The following TMEM170A variants were observed in gnomAD, a reference collection of about 807,000 sequenced individuals.
The protein encoded by TMEM170A is transmembrane protein 170.
In TMEM170A, 18 loss-of-function variants were observed where a neutral mutation model predicts 12.8. The observed-to-expected ratio is 1.41, with a 90% CI of 0.97 to 2.09. The LOEUF (loss-of-function observed/expected upper bound fraction) is 2.09, where lower values mean the gene tolerates loss of function less well. Among genes scored for constraint, TMEM170A ranks in the 30% most tolerant of loss-of-function variants. The pLI is 0.00. For missense variants in TMEM170A, 220 were observed against 179.9 expected (o/e 1.22, Z -1.28); for synonymous variants, 107 against 76.2 (o/e 1.40, Z -2.11).
chr16:75,464,280 C>T (rs1250485322), intron 1 of TMEM170A, 188 bp downstream of exon 1: 26 of 1,490,820 alleles, frequency 1.7e-5, no homozygotes, highest in South Asian at 5.0e-5. Context: ...CGGGGCTCCG[C>T]CTCAGGGACC....
Position 75,450,955 on chromosome 16 carries a change from C to G in TMEM170A, c.304+714G>C, listed in dbSNP as rs117765681. On this transcript the variant is annotated intron_variant, in intron 2 of 2. Transcript: ENST00000561878. ...GGGATTACAGTCATGAGCCACTACA[C>G]CTGGCAAAGAATTCTTGTCATCAAA... is the stretch of plus-strand genomic sequence containing the variant. Among the ~76,000 whole-genome samples, 1,025 of 152,276 alleles carry G rather than the reference C, an allele frequency of 6.7e-3. 8 individuals carry two copies. The highest frequency in any genetic ancestry group is 0.022 in the South Asian group (106 of 4,828).
At chr16:75,449,978 C>T (rs1321763219) in intron 2 of TMEM170A, among the ~76,000 whole-genome samples, 1 of 152,104 alleles carries the variant, frequency 6.6e-6, no homozygotes, top group Non-Finnish European at 1.5e-5. Flanking sequence ...AACATTTATT[C>T]GACAATTACT....
intron 1 of TMEM170A, among the ~76,000 whole-genome samples, chr16:75,462,012 C>G (rs895398712): frequency 1.3e-5 from 2 of 152,152 alleles, no homozygotes; most frequent in African/African-American, 4.8e-5. Flanking sequence ...TATTCAGTTC[C>G]AACTTATGAC....
At chr16:75,461,926 A>G (rs2079916023) in intron 1 of TMEM170A, among the ~76,000 whole-genome samples, 1 of 152,262 alleles carries the variant, frequency 6.6e-6, no homozygotes, top group South Asian at 2.1e-4. Context: ...ACTGTGATGT[A>G]TTAAACCTAT....
chr16:75,449,454 A>G lies in TMEM170A; in HGVS notation c.305-1766T>C, dbSNP rs557152256. Among the ~76,000 whole-genome samples, 14 of 152,046 alleles carry G rather than the reference A, an allele frequency of 9.2e-5. No individual in the cohort carries two copies. In the South Asian group the frequency reaches 2.9e-3, roughly 32 times the overall value. ...GTGATCCTCCCGAGCAGCTGGGACT[A>G]CAGGCACACGCCACCACACCTGGCT... On this transcript the variant is annotated intron_variant, in intron 2 of 2. Coordinates refer to ENST00000561878, the MANE Select transcript of TMEM170A (RefSeq NM_145254.3).
intron 2 of TMEM170A, among the ~76,000 whole-genome samples, chr16:75,450,511 T>C (rs2079663586): frequency 1.3e-5 from 2 of 152,168 alleles, no homozygotes; most frequent in African/African-American, 4.8e-5. Flanking sequence ...AACTGTTTCT[T>C]ATCCCATAAG....
At chr16:75,462,338 G>C (rs928510134) in intron 1 of TMEM170A, among the ~76,000 whole-genome samples, 1 of 152,228 alleles carries the variant, frequency 6.6e-6, no homozygotes, top group Non-Finnish European at 1.5e-5. Flanking sequence ...TCGTGCCTCA[G>C]CCTCCCCAGT....
At chr16:75,464,382 C>T in intron 1 of TMEM170A, 86 bp downstream of exon 1, 3 of 1,374,484 alleles carry the variant, frequency 2.2e-6, no homozygotes, top group Non-Finnish European at 9.4e-7. Context: ...GCTGCGCACC[C>T]GGGACCCCGC....
intron 1 of TMEM170A, among the ~76,000 whole-genome samples, chr16:75,452,204 C>A (rs527668005): frequency 4.6e-5 from 7 of 152,164 alleles, no homozygotes; most frequent in African/African-American, 1.7e-4. Context: ...ATCTCCTGAC[C>A]TCATGATCCG....
chr16:75,461,415 G>C (rs2079906573), intron 1 of TMEM170A, among the ~76,000 whole-genome samples: 1 of 152,110 alleles, frequency 6.6e-6, no homozygotes, highest in South Asian at 2.1e-4. Context: ...TGCAAATACA[G>C]GTAATAAAGA....
In TMEM170A at chr16:75,445,251, CTACTTA is replaced by C. The variant is rs1442462284; in HGVS notation, c.*2301_*2306del. ...AAGAATATTTGGCTGCATTACAACTCTACTTATAAGTTTCTGCCCGTGTATATGTCA... is the reference window on the plus strand; with the variant it reads ...AAGAATATTTGGCTGCATTACAACTCTAAGTTTCTGCCCGTGTATATGTCA... On this transcript the variant is annotated 3_prime_UTR_variant, in exon 3 of 3. Transcript: ENST00000561878. 6.6e-6 allele frequency: 1 copy of C among 152,222 alleles called. No individual in the cohort carries two copies. Among genetic ancestry groups the C allele is most frequent in the African/African-American group, 2.4e-5 (1 of 41,466 alleles). The allele number at this position is 152,222 out of a possible 1,614,324, so 9.4% of individuals were successfully genotyped here. A position where few individuals can be genotyped will look rare whatever the true frequency, so the allele number is the denominator to read the frequency against.
chr16:75,455,909 G>C (rs1038911947), intron 1 of TMEM170A, among the ~76,000 whole-genome samples: 3 of 152,228 alleles, frequency 2.0e-5, no homozygotes, highest in Non-Finnish European at 4.4e-5. Flanking sequence ...GGATTAGAAA[G>C]GGGGAGGAGA....
chr16:75,454,487 T>C (rs534418728), intron 1 of TMEM170A, among the ~76,000 whole-genome samples: 1 of 129,326 alleles, frequency 7.7e-6, no homozygotes, highest in Admixed American at 7.8e-5. Flanking sequence ...CACACAAAAT[T>C]AGCCGGGCAT....
rs1036557434 is a variant in TMEM170A at position 75,443,473 on chromosome 16, G to A, written c.*4085C>T. The A allele has an allele frequency of 1.3e-5, 2 of 152,216 alleles. No homozygotes were observed. Among genetic ancestry groups the A allele is most frequent in the Non-Finnish European group, 1.5e-5 (1 of 68,020 alleles). The allele number at this position is 152,216 out of a possible 1,614,324, so 9.4% of individuals were successfully genotyped here. A position where few individuals can be genotyped will look rare whatever the true frequency, so the allele number is the denominator to read the frequency against. On this transcript the variant is annotated 3_prime_UTR_variant, in exon 3 of 3. Transcript: ENST00000561878. ...CATTTCTGCATATGGTCTGCTAATG[G>A]CACCGATGCTTCACATTCCAGGAAA...
Position 75,447,504 on chromosome 16 carries a change from C to T in TMEM170A, c.*54G>A, listed in dbSNP as rs2079607863. 1 of 1,565,342 alleles carries T rather than the reference C, an allele frequency of 6.4e-7. No individual in the cohort carries two copies. The highest frequency in any genetic ancestry group is 1.2e-5 in the South Asian group (1 of 84,558). ...AAAACACTACACTCCATAATGTATTCTTTTGGAGGATTCCATAAAGTTTAA... is the reference window on the plus strand; with the variant it reads ...AAAACACTACACTCCATAATGTATTTTTTTGGAGGATTCCATAAAGTTTAA... On this transcript the variant is annotated 3_prime_UTR_variant, in exon 3 of 3. Transcript: ENST00000561878.
chr16:75,445,816 C>T lies in TMEM170A; in HGVS notation c.*1742G>A, dbSNP rs975743770. The T allele has an allele frequency of 1.3e-5, 2 of 151,352 alleles. No individual in the cohort carries two copies. Among genetic ancestry groups the T allele is most frequent in the Non-Finnish European group, 2.9e-5 (2 of 67,952 alleles). 9.4% of individuals were successfully genotyped at this position (151,352 alleles called of 1,614,324 possible). The stretch of plus-strand genomic sequence containing the variant: ...TGTATTGCTTTAAATGGAATAGATA[C>T]GTTCATGTGTATATGACCTCATGGG... On this transcript the variant is annotated 3_prime_UTR_variant, in exon 3 of 3. Transcript: ENST00000561878.
At chr16:75,447,962 TAATC>T (rs1362103697) in intron 2 of TMEM170A, among the ~76,000 whole-genome samples, 1 of 152,124 alleles carries the variant, frequency 6.6e-6, no homozygotes, top group Non-Finnish European at 1.5e-5. Context: ...CTGGAAGAAA[TAATC>T]AAAATCACAA....
intron 1 of TMEM170A, among the ~76,000 whole-genome samples, chr16:75,463,460 A>G (rs572338063): frequency 6.6e-6 from 1 of 152,312 alleles, no homozygotes; most frequent in East Asian, 1.9e-4. Context: ...CCCTGGGCAC[A>G]TAACACTGCA....
intron 1 of TMEM170A, among the ~76,000 whole-genome samples, chr16:75,462,720 A>C (rs966193193): frequency 6.6e-6 from 1 of 152,230 alleles, no homozygotes; most frequent in Non-Finnish European, 1.5e-5. Context: ...TAGCTAAATG[A>C]AACTAAAGAG....
Sources: gnomAD v4.1 joint callset for allele counts (sites outside exome capture counted in the v4.1 genomes callset) on GRCh38, gnomAD v4.1.1 for gene constraint, MANE v1.5 for transcripts, NCBI Gene and HGNC (gene_info 2026-07-23, HGNC 2026-07-21) for gene names.